The following PRUNE2 variants were observed in gnomAD, a reference collection of about 807,000 sequenced individuals.
PRUNE2 encodes prune homolog 2 with BCH domain, also known as protein prune homolog 2.
In PRUNE2, 164 loss-of-function variants were observed where a neutral mutation model predicts 252.0. The ratio of observed to expected loss-of-function variants is 0.65; its 90% CI spans 0.57 to 0.74. The LOEUF is 0.74. PRUNE2 is among the 30% of genes least tolerant of loss of function. The pLI is 0.00. For missense variants in PRUNE2, 3,495 were observed against 3,711.0 expected, an observed-to-expected ratio of 0.94 and a Z score of 1.51; for synonymous variants, 1,292 against 1,350.2, an observed-to-expected ratio of 0.96 and a Z score of 0.94.
intron 9 of PRUNE2, among the ~76,000 whole-genome samples, chr9:76,668,189 G>A (rs538059720): frequency 3.2e-4 from 48 of 152,232 alleles, no homozygotes; most frequent in African/African-American, 1.1e-3. Context: ...AATATATAGT[G>A]CAGAATACTC....
intron 9 of PRUNE2, chr9:76,692,177 G>A (rs868646874): frequency 4.2e-6 from 3 of 717,180 alleles, no homozygotes; most frequent in Middle Eastern, 4.6e-4. Flanking sequence ...ATACAGATTC[G>A]CCTCCATTTT....
chr9:76,725,293 T>C (rs2048012682), intron 6 of PRUNE2, among the ~76,000 whole-genome samples: 1 of 152,202 alleles, frequency 6.6e-6, no homozygotes, highest in South Asian at 2.1e-4. Context: ...CAAATGAAGA[T>C]CAAACTGTCT....
chr9:76,759,191 G>T (rs2051450234), intron 6 of PRUNE2: 2 of 152,314 alleles, frequency 1.3e-5, no homozygotes, highest in African/African-American at 4.8e-5. Flanking sequence ...ACCATTTGAG[G>T]TGTAATGGAA....
chr9:76,879,901 ATATTTTTTT>A (rs2061676317), intron 1 of PRUNE2, among the ~76,000 whole-genome samples: 2 of 60,330 alleles, frequency 3.3e-5, no homozygotes, highest in African/African-American at 2.1e-4. Flanking sequence ...ATATATATAT[ATATTTTTTT>A]TTTTTTTTTT....
At chr9:76,642,018 GAAAAGA>G in intron 12 of PRUNE2, 10 of 1,021,108 alleles carry the variant, frequency 9.8e-6, no homozygotes, top group Non-Finnish European at 1.2e-5. Context: ...AAAAAAAAAA[GAAAAGA>G]AAAAGAAAAG....
At chr9:76,883,320 G>T (rs1467214000) in intron 1 of PRUNE2, among the ~76,000 whole-genome samples, 1 of 152,152 alleles carries the variant, frequency 6.6e-6, no homozygotes, top group East Asian at 1.9e-4. Context: ...GTTCAACCTT[G>T]AACAACCACT....
chr9:76,753,276 C>T (rs1397346855), intron 6 of PRUNE2, among the ~76,000 whole-genome samples: 1 of 152,134 alleles, frequency 6.6e-6, no homozygotes, highest in Non-Finnish European at 1.5e-5. Context: ...GTGAGTCCTG[C>T]CTCAACCTCC....
At chr9:76,857,959 G>A (rs954238993) in intron 1 of PRUNE2, among the ~76,000 whole-genome samples, 12 of 152,210 alleles carry the variant, frequency 7.9e-5, no homozygotes, top group African/African-American at 2.9e-4. Flanking sequence ...AGGTCTGTAG[G>A]CCCCTTCCTA....
intron 9 of PRUNE2, among the ~76,000 whole-genome samples, chr9:76,688,838 C>T (rs2044400687): frequency 6.6e-6 from 1 of 152,228 alleles, no homozygotes; most frequent in African/African-American, 2.4e-5. Context: ...TCCAGCTGCT[C>T]TACCTTTTAG....
intron 6 of PRUNE2, among the ~76,000 whole-genome samples, chr9:76,788,985 T>C (rs1197423180): frequency 6.6e-6 from 1 of 152,158 alleles, no homozygotes; most frequent in Non-Finnish European, 1.5e-5. Flanking sequence ...GATCCTTCTC[T>C]CCCAGGGAAG....
intron 6 of PRUNE2, among the ~76,000 whole-genome samples, chr9:76,771,429 C>T (rs1004371324): frequency 2.6e-5 from 4 of 152,150 alleles, no homozygotes; most frequent in African/African-American, 9.7e-5. Flanking sequence ...GGGCACTCTT[C>T]TAGAAGAAAG....
At chr9:76,619,474 T>A (rs1293397431) in intron 17 of PRUNE2, 87 bp from the exon 18 acceptor site, 1 of 870,786 alleles carries the variant, frequency 1.1e-6, no homozygotes, top group Non-Finnish European at 1.9e-6. Flanking sequence ...CATTTGAAAC[T>A]GTTTAATGTG....
At chr9:76,863,946 C>G (rs562230162) in intron 1 of PRUNE2, among the ~76,000 whole-genome samples, 54 of 152,268 alleles carry the variant, frequency 3.5e-4, no homozygotes, top group Admixed American at 2.4e-3. Flanking sequence ...ACTAGATATA[C>G]ACCCAAAAGA....
At chr9:76,850,218 C>A (rs914251766) in intron 3 of PRUNE2, among the ~76,000 whole-genome samples, 3 of 152,036 alleles carry the variant, frequency 2.0e-5, no homozygotes, top group Admixed American at 2.0e-4. Context: ...AGCTCATTTT[C>A]GTATTTTTAG....
At chr9:76,717,208 T>G (rs1404216813) in intron 6 of PRUNE2, among the ~76,000 whole-genome samples, 4 of 152,244 alleles carry the variant, frequency 2.6e-5, no homozygotes, top group Non-Finnish European at 5.9e-5. Flanking sequence ...GATTCGATCT[T>G]ACTGGCCTTG....
At chr9:76,626,076 T>TA (rs984502692) in intron 16 of PRUNE2, among the ~76,000 whole-genome samples, 2 of 152,040 alleles carry the variant, frequency 1.3e-5, no homozygotes, top group African/African-American at 2.4e-5. Flanking sequence ...GAAACACACA[T>TA]AAAAAAAGGT....
chr9:76,712,605 A>T (rs1353063483), intron 7 of PRUNE2, among the ~76,000 whole-genome samples: 1 of 152,194 alleles, frequency 6.6e-6, no homozygotes, highest in African/African-American at 2.4e-5. Context: ...GGTTTGAAAA[A>T]GGGGTCTACT....
chr9:76,686,620 G>T (rs2044123056), intron 9 of PRUNE2, among the ~76,000 whole-genome samples: 2 of 151,926 alleles, frequency 1.3e-5, no homozygotes, highest in Non-Finnish European at 2.9e-5. Flanking sequence ...ATGCCTGGCT[G>T]TTTTAAAAAA....
intron 15 of PRUNE2, 24 bp downstream of exon 15, chr9:76,636,442 CTTTTA>C (rs1401023281): frequency 8.6e-6 from 11 of 1,275,438 alleles, no homozygotes; most frequent in Non-Finnish European, 5.5e-6. Context: ...ACTAGTAGTA[CTTTTA>C]TTTTATGACA....
Sources: allele counts gnomAD v4.1 joint callset (sites outside exome capture counted in the v4.1 genomes callset), GRCh38; gene constraint gnomAD v4.1.1; transcripts MANE v1.5; gene names NCBI Gene and HGNC (gene_info 2026-07-23, HGNC 2026-07-21).